Variants in FCHO2 observed in about 807,000 individuals in gnomAD.
The protein encoded by FCHO2 is FCH and mu domain containing endocytic adaptor 2.
Under a neutral mutation model 114.1 loss-of-function variants are expected in FCHO2, and 43 were observed. The ratio of observed to expected loss-of-function variants is 0.38; its 90% CI spans 0.30 to 0.49. The LOEUF (loss-of-function observed/expected upper bound fraction) is 0.49. Among genes scored for constraint, FCHO2 ranks in the 20% least tolerant of loss-of-function variants. The pLI is 0.97. For missense variants in FCHO2, 807 were observed against 950.4 expected (o/e 0.85, Z 1.98); for synonymous variants, 293 against 315.2 (o/e 0.93, Z 0.75).
intron 19 of FCHO2, among the ~76,000 whole-genome samples, chr5:73,069,553 C>T (rs1485684826): frequency 6.6e-6 from 1 of 151,914 alleles, no homozygotes. Context: ...GTTCTCGCTC[C>T]TATGAGAGTC....
At chr5:72,975,510 T>C (rs993027157) in intron 2 of FCHO2, among the ~76,000 whole-genome samples, 1 of 151,806 alleles carries the variant, frequency 6.6e-6, no homozygotes, top group African/African-American at 2.4e-5. Context: ...TATTATTCTT[T>C]TTTTTTTGAG....
At chr5:73,014,605 G>A (rs778394821) in intron 6 of FCHO2, among the ~76,000 whole-genome samples, 37 of 151,988 alleles carry the variant, frequency 2.4e-4, no homozygotes, top group Non-Finnish European at 4.4e-4. Flanking sequence ...TTATTTCAAG[G>A]ATTAGAAAGA....
At position 73,017,229 on chromosome 5, in the gene FCHO2, A is replaced by G. The variant is rs531313433; in HGVS notation, c.717A>G (p.Ile239Met). 1.0e-5 allele frequency: 16 copies of G among 1,540,706 alleles called. No individual in the cohort carries two copies. The South Asian group carries it at 2.0e-4, about 19-fold the overall frequency. Residue 239 changes from isoleucine (I) to methionine (M), a missense_variant, in exon 8 of 26, where the codon ATA (isoleucine) becomes ATG (methionine). Ile to Met is a conservative substitution (Grantham distance 10, BLOSUM62 1). Coordinates refer to ENST00000430046, the MANE Select transcript of FCHO2 (RefSeq NM_138782.3). The stretch of plus-strand genomic sequence containing the variant: ...TTTAATAGGTCCATGAAGAATTTAT[A>G]AATAACATGGCTAATACTACAGTTG... ...LQIGQVHEEF[I>M]NNMANTTVES...
chr5:73,030,890 G>A (rs1018652000), intron 8 of FCHO2, among the ~76,000 whole-genome samples: 3 of 152,186 alleles, frequency 2.0e-5, no homozygotes, highest in African/African-American at 7.2e-5. Flanking sequence ...CTGAAGTGAA[G>A]TGTCATTGAT....
chr5:73,079,380 A>T (rs1743020520), intron 22 of FCHO2, among the ~76,000 whole-genome samples: 1 of 152,204 alleles, frequency 6.6e-6, no homozygotes, highest in Admixed American at 6.6e-5. Context: ...CAGATGAAGG[A>T]ATAGATTAGA....
Position 72,956,101 on chromosome 5 carries a change from T to C in FCHO2, c.5T>C (p.Val2Ala), listed in dbSNP as rs1010292162. Reference sequence around the variant, plus strand: ...ACCCGGCGCGGCGGCGGCACGATGGTCATGGCGTATTTCGTCGAGAATTTT... The same window carrying C: ...ACCCGGCGCGGCGGCGGCACGATGGCCATGGCGTATTTCGTCGAGAATTTT... M[V>A]MAYFVENFWG... Residue 2 changes from valine (V) to alanine (A), a missense_variant, in exon 1 of 26, where the codon GTC becomes GCC. Val to Ala is a moderately conservative substitution (Grantham distance 64, BLOSUM62 0). Coordinates refer to ENST00000430046, the MANE Select transcript of FCHO2 (RefSeq NM_138782.3). The C allele has an allele frequency of 1.9e-6, 3 of 1,541,256 alleles. No homozygotes were observed. Among genetic ancestry groups the C allele is most frequent in the Admixed American group, 4.0e-5 (2 of 50,150 alleles).
At chr5:73,017,478 AC>A (rs1173562269) in intron 8 of FCHO2, among the ~76,000 whole-genome samples, 170 bp downstream of exon 8, 1 of 152,192 alleles carries the variant, frequency 6.6e-6, no homozygotes, top group Non-Finnish European at 1.5e-5. Flanking sequence ...AATGGAGTAT[AC>A]CTAAAAATTT....
chr5:73,015,331 G>A (rs1283161724), intron 6 of FCHO2, among the ~76,000 whole-genome samples: 2 of 150,852 alleles, frequency 1.3e-5, no homozygotes, highest in African/African-American at 2.4e-5. Flanking sequence ...GGCGTGATCT[G>A]GGCTCACTGG....
intron 10 of FCHO2, among the ~76,000 whole-genome samples, chr5:73,039,023 A>G (rs1036917483): frequency 4.6e-5 from 7 of 152,202 alleles, no homozygotes; most frequent in African/African-American, 1.7e-4. Flanking sequence ...TTCCTTATCA[A>G]TAATTTCCCA....
At chr5:73,022,955 A>AC (rs1755707456) in intron 8 of FCHO2, among the ~76,000 whole-genome samples, 1 of 148,828 alleles carries the variant, frequency 6.7e-6, no homozygotes, top group Non-Finnish European at 1.5e-5. Context: ...AGTAGAACTT[A>AC]TTTTTTTTTT....
At chr5:73,048,873 T>C (rs1016042641) in intron 11 of FCHO2, among the ~76,000 whole-genome samples, 2 of 140,222 alleles carry the variant, frequency 1.4e-5, no homozygotes, top group East Asian at 2.0e-4. Context: ...TTGCTATCTT[T>C]TTTTTTTTTT....
chr5:73,048,870 CTTTTTTT>C (rs764057424), intron 11 of FCHO2, among the ~76,000 whole-genome samples: 7 of 105,450 alleles, frequency 6.6e-5, no homozygotes, highest in Admixed American at 2.2e-4. Context: ...AATTTGCTAT[CTTTTTTT>C]TTTTTTTTTT....
At chr5:72,962,504 C>T (rs1177012590) in intron 1 of FCHO2, among the ~76,000 whole-genome samples, 1 of 152,064 alleles carries the variant, frequency 6.6e-6, no homozygotes, top group Non-Finnish European at 1.5e-5. Context: ...CGGAAGCACC[C>T]TTAGAAATTC....
At chr5:73,037,612 C>T (rs1467131941) in intron 10 of FCHO2, among the ~76,000 whole-genome samples, 1 of 152,062 alleles carries the variant, frequency 6.6e-6, no homozygotes, top group Non-Finnish European at 1.5e-5. Flanking sequence ...CTAGACAATT[C>T]TGAGTGTACA....
intron 24 of FCHO2, among the ~76,000 whole-genome samples, chr5:73,083,782 T>G (rs1413927609): frequency 6.6e-6 from 1 of 151,600 alleles, no homozygotes; most frequent in African/African-American, 2.4e-5. Flanking sequence ...ATTCCAGCTA[T>G]TCAGGGGACT....
intron 5 of FCHO2, chr5:72,996,878 G>A (rs1269158033): frequency 3.4e-6 from 5 of 1,461,266 alleles, no homozygotes; most frequent in Non-Finnish European, 4.6e-6. Context: ...GGCCCCCGGG[G>A]CCGGCGGGGC....
At chr5:73,074,696 T>G (rs774954027) in intron 19 of FCHO2, 46 bp from the exon 20 acceptor site, 4 of 1,524,370 alleles carry the variant, frequency 2.6e-6, no homozygotes, top group Non-Finnish European at 3.6e-6. Flanking sequence ...GATATTTAAT[T>G]TATGTCTTTC....
intron 25 of FCHO2, 136 bp downstream of exon 25, chr5:73,087,889 G>A (rs1580217958): frequency 7.2e-7 from 1 of 1,390,572 alleles, no homozygotes. Flanking sequence ...AAGGTGCCAG[G>A]TAGAGACACA....
In FCHO2 at chr5:73,021,250, C is replaced by G; in HGVS notation, c.796+3942C>G. The G allele has an allele frequency of 4.8e-6, 3 of 619,108 alleles. No individual in the cohort carries two copies. The Admixed American group carries it at 6.4e-5, about 13-fold the overall frequency. 38.4% of individuals were successfully genotyped at this position (619,108 alleles called of 1,614,324 possible). ...TCTTTATCTCCTCAAGCTCTTCATC[C>G]CACAGTAACATGGAGGGCTGAGAAC... On this transcript the variant is annotated intron_variant, in intron 8 of 25. Transcript: ENST00000430046.
Sources: allele counts gnomAD v4.1 joint callset (sites outside exome capture counted in the v4.1 genomes callset), GRCh38; gene constraint gnomAD v4.1.1; transcripts MANE v1.5; gene names NCBI Gene and HGNC (gene_info 2026-07-23, HGNC 2026-07-21).